CAMK1D: variants seen among roughly 807,000 people sequenced by gnomAD.
CAMK1D encodes calcium/calmodulin dependent protein kinase ID, also known as calcium/calmodulin-dependent protein kinase type 1D.
CAMK1D carries 9 observed loss-of-function variants against 47.7 expected under a neutral mutation model. The ratio of observed to expected loss-of-function variants is 0.19; its 90% CI spans 0.11 to 0.33. The LOEUF (loss-of-function observed/expected upper bound fraction) is 0.33. Ranked by LOEUF, CAMK1D falls within the 10% of genes least tolerant of loss-of-function variation. The probability of loss-of-function intolerance (pLI) is 1.00; values close to 1 mark genes in which losing one functional copy is unlikely to be tolerated. For missense variants in CAMK1D, 291 were observed against 488.7 expected (o/e 0.60, Z 3.81); for synonymous variants, 184 against 184.9 (o/e 0.99, Z 0.04).
intron 1 of CAMK1D, among the ~76,000 whole-genome samples, chr10:12,461,527 A>C (rs910843599): frequency 6.6e-6 from 1 of 151,958 alleles, no homozygotes; most frequent in South Asian, 2.1e-4. Context: ...CGTCCCTACT[A>C]AAAATACAAA....
chr10:12,710,426 A>G lies in CAMK1D; in HGVS notation c.299+43616A>G, dbSNP rs545186941. Among the ~76,000 whole-genome samples, 4 of 152,358 alleles carry G rather than the reference A, an allele frequency of 2.6e-5. No homozygotes were observed. The South Asian group carries it at 8.3e-4, about 32-fold the overall frequency. ...TTATATGCTAGAAATGACATGAGCT[A>G]TGGAAAATATGAACATGAAAAATAA... On this transcript the variant is annotated intron_variant, in intron 3 of 10. Transcript: ENST00000619168.
rs557604538 is a variant in CAMK1D at position 12,694,054 on chromosome 10, TTA to T, written c.299+27253_299+27254del. Among the ~76,000 whole-genome samples, 335 of 60,950 alleles carry T rather than the reference TTA, an allele frequency of 5.5e-3. 21 individuals are homozygous for T. The highest frequency in any genetic ancestry group is 0.025 in the African/African-American group (310 of 12,180). The allele number at this position is 60,950 out of a possible 152,430, so 40.0% of individuals were successfully genotyped here. On this transcript the variant is annotated intron_variant, in intron 3 of 10. Coordinates refer to ENST00000619168, the MANE Select transcript of CAMK1D (RefSeq NM_153498.4). ...ATATAAAATATACATATAATATATA[TTA>T]TATATATAATATATAAAAAATATTA...
intron 3 of CAMK1D, among the ~76,000 whole-genome samples, chr10:12,759,531 G>T (rs993991545): frequency 6.6e-6 from 1 of 152,110 alleles, no homozygotes; most frequent in Non-Finnish European, 1.5e-5. Context: ...GAGTATCTTG[G>T]GCTCTTGGCT....
chr10:12,537,427 C>G (rs1218655408), intron 1 of CAMK1D, among the ~76,000 whole-genome samples: 1 of 152,146 alleles, frequency 6.6e-6, no homozygotes, highest in African/African-American at 2.4e-5. Context: ...ACAGGTATAG[C>G]CAGATTAGTT....
chr10:12,762,509 A>C (rs573461731), intron 4 of CAMK1D, among the ~76,000 whole-genome samples: 24 of 152,226 alleles, frequency 1.6e-4, no homozygotes, highest in Non-Finnish European at 2.5e-4. Context: ...ATGTTCGCCC[A>C]TATCAGAATT....
chr10:12,421,130 A>G (rs1408891593), intron 1 of CAMK1D, among the ~76,000 whole-genome samples: 1 of 152,180 alleles, frequency 6.6e-6, no homozygotes, highest in Admixed American at 6.5e-5. Context: ...GAATCCATCA[A>G]GAAATCTAAG....
chr10:12,814,162 A>C (rs368923139), intron 6 of CAMK1D, 33 bp from the exon 7 acceptor site: 1 of 1,354,870 alleles, frequency 7.4e-7, no homozygotes, highest in African/African-American at 1.4e-5. Flanking sequence ...GGTTATGCAG[A>C]TGTTCCAGCT....
At chr10:12,751,117 AT>A (rs1297396791) in intron 3 of CAMK1D, among the ~76,000 whole-genome samples, 89 of 94,000 alleles carry the variant, frequency 9.5e-4, no homozygotes, top group Non-Finnish European at 1.5e-3. Flanking sequence ...ATAAGATAAG[AT>A]AAGATAAGAA....
At chr10:12,459,111 T>A (rs1588508394) in intron 1 of CAMK1D, among the ~76,000 whole-genome samples, 1 of 152,156 alleles carries the variant, frequency 6.6e-6, no homozygotes, top group East Asian at 1.9e-4. Flanking sequence ...ACTCCTGACC[T>A]CAGGCGATCC....
intron 2 of CAMK1D, among the ~76,000 whole-genome samples, chr10:12,619,325 C>T (rs1017410878): frequency 2.1e-4 from 32 of 151,766 alleles, no homozygotes; most frequent in African/African-American, 7.5e-4. Flanking sequence ...GGGTCTTGCT[C>T]TGTTGCCCAG....
intron 2 of CAMK1D, among the ~76,000 whole-genome samples, chr10:12,584,126 G>A (rs116285176): frequency 9.8e-5 from 15 of 152,308 alleles, no homozygotes; most frequent in African/African-American, 3.6e-4. Flanking sequence ...TTAATGTCTT[G>A]TGAGTGCAGA....
At chr10:12,579,808 C>T (rs1157430847) in intron 2 of CAMK1D, among the ~76,000 whole-genome samples, 2 of 152,188 alleles carry the variant, frequency 1.3e-5, no homozygotes, top group South Asian at 4.1e-4. Flanking sequence ...TCATGGTTCA[C>T]ACTTCTTAAG....
At chr10:12,472,677 C>A (rs990375853) in intron 1 of CAMK1D, among the ~76,000 whole-genome samples, 1 of 151,954 alleles carries the variant, frequency 6.6e-6, no homozygotes, top group Non-Finnish European at 1.5e-5. Flanking sequence ...ATGCGCCACC[C>A]CGCCTACCTA....
intron 1 of CAMK1D, among the ~76,000 whole-genome samples, chr10:12,371,275 A>AT (rs1196879918): frequency 6.6e-6 from 1 of 152,046 alleles, no homozygotes; most frequent in Non-Finnish European, 1.5e-5. Context: ...CAGGTTCACC[A>AT]TTTAAAAAAT....
chr10:12,529,831 C>T (rs1381450037), intron 1 of CAMK1D, among the ~76,000 whole-genome samples: 2 of 152,112 alleles, frequency 1.3e-5, no homozygotes, highest in Non-Finnish European at 2.9e-5. Context: ...GGGCTGGATA[C>T]CCATGAGCCT....
At chr10:12,369,823 G>A (rs1272131891) in intron 1 of CAMK1D, among the ~76,000 whole-genome samples, 1 of 151,688 alleles carries the variant, frequency 6.6e-6, no homozygotes, top group East Asian at 1.9e-4. Context: ...GAGTGTGGTG[G>A]CGCGTGCCTA....
At position 12,520,081 on chromosome 10, in the gene CAMK1D, C is replaced by T. The variant is rs1588583133; in HGVS notation, c.93-33144C>T. ...CGGGTGGGGGGCTGACCCCCCCCCA[C>T]CTCCCTCCCGGACGGGGTGGCTGCC... On this transcript the variant is annotated intron_variant, in intron 1 of 10. Coordinates refer to ENST00000619168, the MANE Select transcript of CAMK1D (RefSeq NM_153498.4). Among the ~76,000 whole-genome samples the T allele has an allele frequency of 7.2e-5, 6 of 83,484 alleles. 2 individuals are homozygous for T. In the East Asian group the frequency reaches 1.2e-3, roughly 16 times the overall value. The allele number at this position is 83,484 out of a possible 152,430, so 54.8% of individuals were successfully genotyped here.
At chr10:12,586,213 T>G (rs1023608194) in intron 2 of CAMK1D, among the ~76,000 whole-genome samples, 8 of 152,290 alleles carry the variant, frequency 5.3e-5, no homozygotes, top group African/African-American at 1.9e-4. Flanking sequence ...AAAAATTGTT[T>G]CTATTCTGTT....
chr10:12,453,228 C>T lies in CAMK1D; in HGVS notation c.93-99997C>T, dbSNP rs191199585. Among the ~76,000 whole-genome samples the T allele has an allele frequency of 4.7e-5, 7 of 147,972 alleles. No homozygotes were observed. The East Asian group carries it at 1.4e-3, about 29-fold the overall frequency. ...TTTTTGAGATGGAGTTTCACTCTGT[C>T]GCCTAGGCTGGAGTGCAGTGGTGCA... is the stretch of plus-strand genomic sequence containing the variant. On this transcript the variant is annotated intron_variant, in intron 1 of 10. Coordinates refer to ENST00000619168, the MANE Select transcript of CAMK1D (RefSeq NM_153498.4).
Sources: allele counts gnomAD v4.1 joint callset (sites outside exome capture counted in the v4.1 genomes callset), GRCh38; gene constraint gnomAD v4.1.1; transcripts MANE v1.5; gene names NCBI Gene and HGNC (gene_info 2026-07-23, HGNC 2026-07-21).